Variants in RALY observed in about 807,000 individuals in gnomAD.
RALY encodes RALY heterogeneous nuclear ribonucleoprotein, also known as RNA-binding protein Raly.
RALY carries 15 observed loss-of-function variants against 30.7 expected under a neutral mutation model. That is an observed-to-expected ratio of 0.49 (90% CI 0.33 to 0.75). The LOEUF (loss-of-function observed/expected upper bound fraction) is 0.75, where lower values mean the gene tolerates loss of function less well. Among genes scored for constraint, RALY ranks in the 30% least tolerant of loss-of-function variants. RALY has a pLI of 0.02. For synonymous variants in RALY, 177 were observed against 170.8 expected, an observed-to-expected ratio of 1.04 and a Z score of -0.28; for missense variants, 339 against 414.3, an observed-to-expected ratio of 0.82 and a Z score of 1.58.
chr20:34,014,228 G>A (rs1436571871), intron 1 of RALY, among the ~76,000 whole-genome samples: 5 of 152,118 alleles, frequency 3.3e-5, no homozygotes, highest in African/African-American at 9.7e-5. Flanking sequence ...TTTTGAGAAC[G>A]GGGCTTGTTA....
chr20:34,019,456 G>T (rs1324598277), intron 1 of RALY, among the ~76,000 whole-genome samples: 1 of 152,164 alleles, frequency 6.6e-6, no homozygotes, highest in Non-Finnish European at 1.5e-5. Flanking sequence ...GGCCAGACCC[G>T]AAAACATGAT....
chr20:34,003,291 C>G (rs186289348), intron 1 of RALY, among the ~76,000 whole-genome samples: 2 of 152,258 alleles, frequency 1.3e-5, no homozygotes, highest in African/African-American at 4.8e-5. Flanking sequence ...CCATATCTTG[C>G]CTTCCTCACA....
chr20:34,031,639 C>T lies in RALY; in HGVS notation c.-10+35C>T, dbSNP rs555279607. 2.6e-3 allele frequency: 396 copies of T among 152,254 alleles called. 3 individuals carry two copies. Among genetic ancestry groups the T allele is most frequent in the Middle Eastern group, 6.8e-3 (2 of 296 alleles). The allele number at this position is 152,254 out of a possible 1,614,324, so 9.4% of individuals were successfully genotyped here. On this transcript the variant is annotated intron_variant, in intron 2 of 9. Transcript: ENST00000246194. ...GTTGCCTGGGAAAGCTCTGGGCAAG[C>T]TTGGGCCAACATGGAGGGTAACTCG...
intron 2 of RALY, among the ~76,000 whole-genome samples, chr20:34,053,486 C>G (rs1365171138): frequency 7.1e-6 from 1 of 141,842 alleles, no homozygotes; most frequent in African/African-American, 2.6e-5. Context: ...CAGGTCCAAC[C>G]TTCTGGGCTC....
chr20:34,060,817 A>G (rs1301770564), intron 2 of RALY, among the ~76,000 whole-genome samples: 7 of 152,210 alleles, frequency 4.6e-5, no homozygotes, highest in African/African-American at 1.7e-4. Context: ...GAAAGAAAAC[A>G]CTACATAAGC....
intron 2 of RALY, among the ~76,000 whole-genome samples, chr20:34,046,533 A>G (rs1320944774): frequency 2.0e-5 from 3 of 152,140 alleles, no homozygotes; most frequent in African/African-American, 7.2e-5. Context: ...CCTTTTTCGT[A>G]ATACTTAATA....
intron 2 of RALY, among the ~76,000 whole-genome samples, chr20:34,067,661 G>A (rs1368095319): frequency 6.6e-6 from 1 of 152,060 alleles, no homozygotes; most frequent in Non-Finnish European, 1.5e-5. Context: ...CCTTTGAGCC[G>A]TAAATTGCAT....
intron 3 of RALY, 62 bp from the exon 4 acceptor site, chr20:34,073,501 G>T: frequency 6.9e-7 from 1 of 1,451,666 alleles, no homozygotes; most frequent in Non-Finnish European, 9.7e-7. Context: ...TGTGCATGAG[G>T]TTGATGTGTG....
intron 1 of RALY, among the ~76,000 whole-genome samples, chr20:34,025,903 T>TTG (rs2032011678): frequency 7.0e-6 from 1 of 141,906 alleles, no homozygotes; most frequent in African/African-American, 2.5e-5. Flanking sequence ...CTGGTTGTTT[T>TTG]TTTTTTTTTT....
intron 2 of RALY, among the ~76,000 whole-genome samples, chr20:34,052,466 A>G (rs3787230): frequency 0.62 from 94,857 of 152,012 alleles, 30,865 homozygotes; most frequent in South Asian, 0.85. Context: ...TTCCTAGGCC[A>G]CACCATAATT....
chr20:34,077,131 G>A lies in RALY; in HGVS notation c.762G>A (p.Arg254=). 1 of 1,610,498 alleles carries A rather than the reference G, an allele frequency of 6.2e-7. No homozygotes were observed. ...SGGGGGGGSS[R]PPAPQENTTS... ...GTGGCGGTGGCGGTGGCAGCAGCCG[G>A]CCACCAGCCCCCCAAGAGAACACAA... Residue 254 remains arginine, a synonymous_variant, in exon 8 of 10, where the codon CGG becomes CGA. Coordinates refer to ENST00000246194, the MANE Select transcript of RALY (RefSeq NM_016732.3).
rs2033015563 is a variant in RALY, at chr20:34,049,825, T to G, written c.-10+18221T>G. On this transcript the variant is annotated intron_variant, in intron 2 of 9. Coordinates refer to ENST00000246194, the MANE Select transcript of RALY (RefSeq NM_016732.3). ...CAAAAGTTAGGATTATAAATCCAAA[T>G]CCCGTGCTCTTATTTTGAAAAGTAT... Among the ~76,000 whole-genome samples the G allele has an allele frequency of 2.0e-5, 3 of 152,226 alleles. No homozygotes were observed. In the East Asian group the frequency reaches 5.8e-4, roughly 29 times the overall value.
At chr20:34,035,614 C>A (rs1227950682) in intron 2 of RALY, among the ~76,000 whole-genome samples, 1 of 152,144 alleles carries the variant, frequency 6.6e-6, no homozygotes, top group African/African-American at 2.4e-5. Flanking sequence ...CCCCACTCCT[C>A]CTTTTTGTTC....
intron 1 of RALY, among the ~76,000 whole-genome samples, chr20:34,010,239 G>A (rs1429628912): frequency 6.6e-6 from 1 of 152,008 alleles, no homozygotes; most frequent in Middle Eastern, 3.2e-3. Flanking sequence ...TTGGTACCTG[G>A]TCTTTTTTTC....
At chr20:34,063,785 A>G (rs2033487096) in intron 2 of RALY, among the ~76,000 whole-genome samples, 1 of 152,140 alleles carries the variant, frequency 6.6e-6, no homozygotes. Flanking sequence ...CCCTCCTGCC[A>G]GGCCTCTTCT....
intron 1 of RALY, among the ~76,000 whole-genome samples, chr20:34,027,571 A>G (rs544703306): frequency 6.6e-5 from 10 of 152,162 alleles, no homozygotes; most frequent in Non-Finnish European, 1.0e-4. Context: ...GATCCTGCCT[A>G]TTATTAGTAA....
At chr20:34,074,828 C>T (rs993269529) in intron 5 of RALY, among the ~76,000 whole-genome samples, 2 of 152,186 alleles carry the variant, frequency 1.3e-5, no homozygotes, top group East Asian at 1.9e-4. Flanking sequence ...GGGATCGGAT[C>T]CATTCCCAGA....
Position 34,077,164 on chromosome 20 carries a change from G to A in RALY, c.795G>A (p.Glu265=). Residue 265 remains glutamate, a synonymous_variant, in exon 8 of 10, where the codon GAG becomes GAA. Transcript: ENST00000246194. ...CCCCCCAAGAGAACACAACTTCTGAGGCAGGCCTGCCCCAGGGGGAAGCAC... is the reference window on the plus strand; with the variant it reads ...CCCCCCAAGAGAACACAACTTCTGAAGCAGGCCTGCCCCAGGGGGAAGCAC... ...PPAPQENTTS[E]AGLPQGEART... The A allele has an allele frequency of 1.2e-6, 2 of 1,613,626 alleles. No homozygotes were observed.
intron 1 of RALY, among the ~76,000 whole-genome samples, chr20:34,012,021 G>T (rs963735034): frequency 6.6e-6 from 1 of 151,618 alleles, no homozygotes; most frequent in African/African-American, 2.4e-5. Flanking sequence ...AGCCGAGCTT[G>T]CGCCACTGCA....
Sources: allele counts gnomAD v4.1 joint callset (sites outside exome capture counted in the v4.1 genomes callset), GRCh38; gene constraint gnomAD v4.1.1; transcripts MANE v1.5; gene names NCBI Gene and HGNC (gene_info 2026-07-23, HGNC 2026-07-21).